The following GPHN variants were observed in gnomAD, a reference collection of about 807,000 sequenced individuals.
The protein encoded by GPHN is gephyrin.
In GPHN, 17 loss-of-function variants were observed where a neutral mutation model predicts 95.5. The observed-to-expected ratio is 0.18, with a 90% confidence interval of 0.12 to 0.27. The LOEUF (loss-of-function observed/expected upper bound fraction) is 0.27. Ranked by LOEUF, GPHN falls within the 10% of genes least tolerant of loss-of-function variation. The probability of loss-of-function intolerance (pLI) is 1.00; values close to 1 mark genes in which losing one functional copy is unlikely to be tolerated. For missense variants in GPHN, 660 were observed against 978.1 expected (o/e 0.67, Z 4.34); for synonymous variants, 320 against 322.5 (o/e 0.99, Z 0.08).
At chr14:67,097,792 A>C (rs1256458217) in intron 12 of GPHN, among the ~76,000 whole-genome samples, 1 of 152,118 alleles carries the variant, frequency 6.6e-6, no homozygotes, top group Non-Finnish European at 1.5e-5. Flanking sequence ...CAGTGGCTTT[A>C]AGAGTTTTAT....
At chr14:67,173,168 G>A (rs982452650) in intron 21 of GPHN, among the ~76,000 whole-genome samples, 4 of 152,112 alleles carry the variant, frequency 2.6e-5, no homozygotes, top group African/African-American at 7.2e-5. Context: ...CAAGACCCAG[G>A]TGCCACAATG....
the GPHN span, among the ~76,000 whole-genome samples, chr14:67,251,451 T>G: frequency 6.6e-6 from 1 of 152,204 alleles, no homozygotes; most frequent in East Asian, 1.9e-4. Context: ...GAGGATTTCT[T>G]GAGTGTGGGA....
chr14:66,569,076 T>C (rs1180123342), intron 1 of GPHN, among the ~76,000 whole-genome samples: 5 of 152,280 alleles, frequency 3.3e-5, no homozygotes, highest in African/African-American at 9.6e-5. Context: ...ATATTTGTGG[T>C]TCTTAATTCA....
At chr14:67,211,683 A>G in the GPHN span, among the ~76,000 whole-genome samples, 1 of 152,158 alleles carries the variant, frequency 6.6e-6, no homozygotes, top group Non-Finnish European at 1.5e-5. Context: ...AATCCCATCA[A>G]CTGTGGAAGC....
intron 8 of GPHN, among the ~76,000 whole-genome samples, chr14:66,934,988 T>TA (rs201997855): frequency 2.6e-5 from 4 of 152,030 alleles, no homozygotes; most frequent in African/African-American, 2.4e-5. Flanking sequence ...CATATTTCAG[T>TA]AAAAAAACCT....
At chr14:66,612,036 C>A (rs1371815222) in intron 1 of GPHN, among the ~76,000 whole-genome samples, 1 of 151,782 alleles carries the variant, frequency 6.6e-6, no homozygotes, top group Non-Finnish European at 1.5e-5. Flanking sequence ...GTTCTTTTTT[C>A]TTCGCCTAAT....
At chr14:66,885,598 C>A (rs551957595) in intron 5 of GPHN, among the ~76,000 whole-genome samples, 11 of 152,246 alleles carry the variant, frequency 7.2e-5, no homozygotes, top group African/African-American at 2.6e-4. Flanking sequence ...TCAACCCACA[C>A]TGGCTGAAGT....
the GPHN span, among the ~76,000 whole-genome samples, chr14:67,495,590 C>T: frequency 6.6e-6 from 1 of 152,000 alleles, no homozygotes; most frequent in African/African-American, 2.4e-5. Flanking sequence ...TCAAGCGATT[C>T]TCCTGCCTCA....
At chr14:67,692,270 T>C in the GPHN span, 32 of 688,254 alleles carry the variant, frequency 4.6e-5, 1 homozygote, top group East Asian at 8.4e-4. Context: ...CTCTGGAAGA[T>C]ATCCCTTTGA....
chr14:66,525,077 G>C (rs942214930), intron 1 of GPHN, among the ~76,000 whole-genome samples: 13 of 152,274 alleles, frequency 8.5e-5, no homozygotes, highest in Middle Eastern at 3.4e-3. Flanking sequence ...TCACCACAGT[G>C]TCTTCCCTAA....
the GPHN span, chr14:67,690,373 G>C: frequency 6.2e-7 from 1 of 1,614,180 alleles, no homozygotes; most frequent in Non-Finnish European, 8.5e-7. Context: ...CCTTGATGGG[G>C]CTGATTCCTT....
At chr14:67,360,238 G>T in the GPHN span, 1 of 399,594 alleles carries the variant, frequency 2.5e-6, no homozygotes, top group African/African-American at 2.1e-5. Context: ...ATCTACATTC[G>T]TCCTTGTTCT....
chr14:66,930,521 G>A (rs1383229995), intron 8 of GPHN, among the ~76,000 whole-genome samples: 3 of 142,114 alleles, frequency 2.1e-5, no homozygotes, highest in African/African-American at 5.3e-5. Context: ...TCAAAAAGTT[G>A]TAGGTTTTTT....
chr14:66,902,931 G>T (rs995531832), intron 5 of GPHN, among the ~76,000 whole-genome samples: 1 of 152,014 alleles, frequency 6.6e-6, no homozygotes, highest in East Asian at 1.9e-4. Flanking sequence ...GATTAGAATT[G>T]CTATTATTTC....
At chr14:67,288,172 G>A in the GPHN span, among the ~76,000 whole-genome samples, 2 of 151,988 alleles carry the variant, frequency 1.3e-5, no homozygotes, top group Non-Finnish European at 2.9e-5. Flanking sequence ...TTCCGCCTCC[G>A]AGGTTCAAGC....
Position 66,869,007 on chromosome 14 carries a change from G to A in GPHN, c.295-10932G>A, listed in dbSNP as rs1950686. ...TATTTTATTTAAAAAGAATAGCTAA[G>A]TCCAATTAAACCTTTATATTTTAGA... On this transcript the variant is annotated intron_variant, in intron 4 of 22. Transcript: ENST00000478722. Among the ~76,000 whole-genome samples, 457 of 152,248 alleles carry A rather than the reference G, an allele frequency of 3.0e-3. 3 individuals are homozygous for A. The highest frequency in any genetic ancestry group is 0.011 in the African/African-American group (439 of 41,556).
the GPHN span, chr14:67,473,536 T>G: frequency 1.9e-6 from 3 of 1,614,024 alleles, no homozygotes; most frequent in South Asian, 3.3e-5. The surrounding 1 kb of genome is among the most constrained non-coding windows in gnomAD (Gnocchi z 6.5). Flanking sequence ...TGCTCCATGA[T>G]GAGGGCCCCG....
chr14:67,439,549 C>CTTTA, the GPHN span, among the ~76,000 whole-genome samples: 35 of 61,520 alleles, frequency 5.7e-4, no homozygotes, highest in South Asian at 0.018. Flanking sequence ...TTCTTTCTTT[C>CTTTA]TTTCTTTCTT....
At chr14:67,338,821 G>T in the GPHN span, 1 of 1,468,996 alleles carries the variant, frequency 6.8e-7, no homozygotes, top group South Asian at 1.3e-5. Context: ...AAGTAGATTT[G>T]ATTTCTTTGA....
Sources: gnomAD v4.1 joint callset for allele counts (sites outside exome capture counted in the v4.1 genomes callset) on GRCh38, gnomAD v4.1.1 for gene constraint, Gnocchi (gnomAD v3.1) non-coding constraint, MANE v1.5 for transcripts, NCBI Gene and HGNC (gene_info 2026-07-23, HGNC 2026-07-21) for gene names.